The following TBC1D5 variants were observed in gnomAD, a reference collection of about 807,000 sequenced individuals.
TBC1D5 encodes TBC1 domain family, member 5.
TBC1D5 carries 75 observed loss-of-function variants against 100.3 expected under a neutral mutation model. The observed-to-expected ratio is 0.75, with a 90% CI of 0.62 to 0.91. The LOEUF (loss-of-function observed/expected upper bound fraction) is 0.91. Among genes scored for constraint, TBC1D5 ranks in the 40% least tolerant of loss-of-function variants. The pLI is 0.00. For missense variants in TBC1D5, 910 were observed against 942.4 expected, an observed-to-expected ratio of 0.97 and a Z score of 0.45; for synonymous variants, 323 against 325.6, an observed-to-expected ratio of 0.99 and a Z score of 0.09.
chr3:17,453,482 T>A (rs985018937), intron 3 of TBC1D5, among the ~76,000 whole-genome samples: 2 of 152,056 alleles, frequency 1.3e-5, no homozygotes, highest in Non-Finnish European at 2.9e-5. Flanking sequence ...CTATAACAGA[T>A]ACCTCAGAAA....
At chr3:17,702,944 C>T (rs574464057) in intron 1 of TBC1D5, among the ~76,000 whole-genome samples, 302 of 152,210 alleles carry the variant, frequency 2.0e-3, no homozygotes, top group African/African-American at 6.9e-3. Flanking sequence ...AAGAAAACTT[C>T]TCCAAACTAG....
chr3:17,631,415 T>C (rs1266308746), intron 1 of TBC1D5, among the ~76,000 whole-genome samples: 4 of 152,234 alleles, frequency 2.6e-5, no homozygotes, highest in Admixed American at 6.5e-5. Flanking sequence ...CAAGTACTTA[T>C]ATAGTAACTG....
rs1388052124 is a variant in TBC1D5, at chr3:17,678,665, A to AT, written c.-100-54753dup. On this transcript the variant is annotated intron_variant, in intron 1 of 21. Coordinates refer to ENST00000253692, the Ensembl canonical transcript of TBC1D5. ...TAAGAGAACTGAGGGAAAAAGAGGG[A>AT]TAAAAAAAAAAAAAAAAAAAAACAG... Among the ~76,000 whole-genome samples the AT allele has an allele frequency of 3.0e-4, 23 of 76,038 alleles. 2 individuals are homozygous for AT. Among genetic ancestry groups the AT allele is most frequent in the African/African-American group, 7.4e-4 (17 of 22,884 alleles). The allele number at this position is 76,038 out of a possible 152,430, so 49.9% of individuals were successfully genotyped here. A position where few individuals can be genotyped will look rare whatever the true frequency, so the allele number is the denominator to read the frequency against.
At chr3:17,298,060 C>T (rs2082443570) in intron 14 of TBC1D5, among the ~76,000 whole-genome samples, 1 of 152,154 alleles carries the variant, frequency 6.6e-6, no homozygotes, top group African/African-American at 2.4e-5. Flanking sequence ...AAGCCTGATT[C>T]ATACATTTGA....
At chr3:17,171,235 C>T (rs1270685791) in intron 19 of TBC1D5, among the ~76,000 whole-genome samples, 2 of 152,194 alleles carry the variant, frequency 1.3e-5, no homozygotes, top group African/African-American at 4.8e-5. Flanking sequence ...CGCCATGGAG[C>T]CACTGTCCCT....
chr3:17,364,613 A>G (rs2091980867), intron 13 of TBC1D5, among the ~76,000 whole-genome samples: 1 of 152,160 alleles, frequency 6.6e-6, no homozygotes, highest in Non-Finnish European at 1.5e-5. Flanking sequence ...CTCTTCTAAG[A>G]AGCATATAGT....
chr3:17,310,476 T>A (rs1357133051), intron 13 of TBC1D5, among the ~76,000 whole-genome samples: 2 of 152,002 alleles, frequency 1.3e-5, no homozygotes, highest in Admixed American at 6.6e-5. Context: ...CCTGTGTGTG[T>A]GAGTGCATGT....
At chr3:17,213,542 G>A (rs995825974) in intron 18 of TBC1D5, among the ~76,000 whole-genome samples, 3 of 151,968 alleles carry the variant, frequency 2.0e-5, no homozygotes, top group Non-Finnish European at 2.9e-5. Context: ...AAGGCGGGCA[G>A]ATCACTTGAG....
At position 17,705,591 on chromosome 3, in the gene TBC1D5, G is replaced by A. The variant is rs1333512920; in HGVS notation, c.-101+33752C>T. Among the ~76,000 whole-genome samples, 6 of 121,788 alleles carry A rather than the reference G, an allele frequency of 4.9e-5. No homozygotes were observed. The South Asian group carries it at 1.6e-3, about 33-fold the overall frequency. 79.9% of individuals were successfully genotyped at this position (121,788 alleles called of 152,430 possible). On this transcript the variant is annotated intron_variant, in intron 1 of 21. Transcript: ENST00000253692. ...GACGGGGTCTCGGCCGGGCAGAGGC[G>A]CTCCTCACATCCCAGATGGGGCGGC...
chr3:17,404,563 G>T, intron 7 of TBC1D5, 131 bp downstream of exon 7: 1 of 731,350 alleles, frequency 1.4e-6, no homozygotes. Flanking sequence ...CAGGTTTTAG[G>T]TGGTACTGTA....
intron 16 of TBC1D5, among the ~76,000 whole-genome samples, chr3:17,239,271 C>G (rs1208935973): frequency 6.6e-6 from 1 of 152,126 alleles, no homozygotes; most frequent in African/African-American, 2.4e-5. Flanking sequence ...CAATGGAAGA[C>G]CAGCCTCTCC....
chr3:17,718,757 A>G lies in TBC1D5; in HGVS notation c.-101+20586T>C, dbSNP rs182373733. On this transcript the variant is annotated intron_variant, in intron 1 of 21. Transcript: ENST00000253692. ...GCACCAATTAAACAATCATTCCCCA[A>G]TGCTCCTCCTCCAGCCCATGGTAAT... Among the ~76,000 whole-genome samples, 1,066 of 152,182 alleles carry G rather than the reference A, an allele frequency of 7.0e-3. 8 individuals are homozygous for G. Among genetic ancestry groups the G allele is most frequent in the Middle Eastern group, 0.014 (4 of 294 alleles).
At chr3:17,264,658 C>T (rs555538842) in intron 15 of TBC1D5, among the ~76,000 whole-genome samples, 4 of 152,150 alleles carry the variant, frequency 2.6e-5, no homozygotes, top group Non-Finnish European at 5.9e-5. Context: ...CAGTGAGGGT[C>T]GTACTCAGAT....
At chr3:17,291,834 C>T (rs886909637) in intron 15 of TBC1D5, 61 bp downstream of exon 15, 4 of 1,451,016 alleles carry the variant, frequency 2.8e-6, no homozygotes, top group African/African-American at 2.8e-5. Context: ...TTAGACTCTA[C>T]ACAGAGAAGC....
intron 2 of TBC1D5, among the ~76,000 whole-genome samples, chr3:17,609,200 T>G (rs2061519153): frequency 6.6e-6 from 1 of 152,224 alleles, no homozygotes; most frequent in Non-Finnish European, 1.5e-5. Flanking sequence ...TTTATGAACT[T>G]TTTCAAAGTC....
intron 2 of TBC1D5, among the ~76,000 whole-genome samples, chr3:17,539,452 A>G (rs1248054531): frequency 2.0e-5 from 3 of 152,350 alleles, no homozygotes; most frequent in Middle Eastern, 3.4e-3. Flanking sequence ...TTGCAGGGCC[A>G]TTTTTAAATA....
At chr3:17,184,112 C>T (rs1279557478) in intron 19 of TBC1D5, among the ~76,000 whole-genome samples, 3 of 152,188 alleles carry the variant, frequency 2.0e-5, no homozygotes, top group Non-Finnish European at 4.4e-5. Flanking sequence ...TTGTAAGCAG[C>T]ATGGAGTTAC....
chr3:17,261,086 A>G (rs1036582310), intron 15 of TBC1D5, among the ~76,000 whole-genome samples: 3 of 152,248 alleles, frequency 2.0e-5, no homozygotes, highest in African/African-American at 4.8e-5. Context: ...AAAAATCAAC[A>G]TCTAGACATG....
intron 3 of TBC1D5, among the ~76,000 whole-genome samples, chr3:17,453,398 A>G (rs868552101): frequency 2.6e-5 from 4 of 152,120 alleles, no homozygotes; most frequent in African/African-American, 7.2e-5. Context: ...GATAAAATTG[A>G]CAAACCTTTA....
Sources: allele counts gnomAD v4.1 joint callset (sites outside exome capture counted in the v4.1 genomes callset), GRCh38; gene constraint gnomAD v4.1.1; transcripts MANE v1.5; gene names NCBI Gene and HGNC (gene_info 2026-07-23, HGNC 2026-07-21).